The following GNAO1 variants were observed in gnomAD, a reference collection of about 807,000 sequenced individuals.
GNAO1 encodes the protein guanine nucleotide-binding protein G(o) subunit alpha.
For missense variants in GNAO1, 166 were observed against 478.7 expected (o/e 0.35, Z 6.10); for synonymous variants, 164 against 180.7 (o/e 0.91, Z 0.74).
At position 56,217,675 on chromosome 16, in the gene GNAO1, A is replaced by G. The variant is rs78592694; in HGVS notation, c.161+25059A>G. ...TAAGATTATTTAATCATCAGGCATT[A>G]TAACATGAGTTAGGTATTATGACTC... On this transcript the variant is annotated intron_variant, in intron 2 of 8. Coordinates refer to ENST00000262493, the MANE Select transcript of GNAO1 (RefSeq NM_020988.3). Among the ~76,000 whole-genome samples the G allele has an allele frequency of 9.9e-3, 1,504 of 152,320 alleles. 49 individuals are homozygous for G. Among genetic ancestry groups the G allele is most frequent in the South Asian group, 0.07 (336 of 4,820 alleles).
intron 2 of GNAO1, chr16:56,270,614 G>C (rs1175416141): frequency 6.6e-6 from 1 of 152,120 alleles, no homozygotes; most frequent in Non-Finnish European, 1.5e-5. Flanking sequence ...AGCAGAGATA[G>C]GTGAGATGTG....
chr16:56,300,043 G>GCGCGCGCGCA (rs2037329132), intron 3 of GNAO1, among the ~76,000 whole-genome samples: 11 of 92,138 alleles, frequency 1.2e-4, no homozygotes, highest in African/African-American at 4.7e-4. Flanking sequence ...GTGTGCGCGC[G>GCGCGCGCGCA]CGCGCGCGCA....
intron 6 of GNAO1, chr16:56,345,725 G>A: frequency 2.0e-6 from 2 of 985,582 alleles, no homozygotes; most frequent in Non-Finnish European, 2.4e-6. Context: ...GACAGCCAGG[G>A]CCAGCTAAGC....
At chr16:56,333,271 G>A (rs2037708189) in intron 4 of GNAO1, among the ~76,000 whole-genome samples, 1 of 148,988 alleles carries the variant, frequency 6.7e-6, no homozygotes, top group Non-Finnish European at 1.5e-5. Flanking sequence ...GGAGTACAGT[G>A]GCACGATCTC....
chr16:56,343,487 C>CAAA lies in GNAO1; in HGVS notation c.723+6641_723+6643dup, dbSNP rs5817055. On this transcript the variant is annotated intron_variant, in intron 6 of 8. Coordinates refer to ENST00000262493, the MANE Select transcript of GNAO1 (RefSeq NM_020988.3). ...TGAGCAACAGAGCAAGACCCTATCT[C>CAAA]AAAAAAAAAAAAAAAAGATAAATAC... Among the ~76,000 whole-genome samples the CAAA allele has an allele frequency of 0.2, 26,428 of 133,840 alleles. 2,864 individuals carry two copies. The highest frequency in any genetic ancestry group is 0.28 in the South Asian group (1,117 of 3,970). 87.8% of individuals were successfully genotyped at this position (133,840 alleles called of 152,430 possible).
chr16:56,205,608 T>C (rs1288875033), intron 2 of GNAO1, among the ~76,000 whole-genome samples: 1 of 152,194 alleles, frequency 6.6e-6, no homozygotes, highest in African/African-American at 2.4e-5. Context: ...ATCCTTTCCT[T>C]AGAGTTTCGA....
intron 6 of GNAO1, among the ~76,000 whole-genome samples, chr16:56,350,906 C>T (rs2037914289): frequency 6.6e-6 from 1 of 152,152 alleles, no homozygotes; most frequent in Admixed American, 6.5e-5. Context: ...CACACACAGG[C>T]ACACACACAG....
rs535491655 is a variant in GNAO1, at chr16:56,308,584, G to C, written c.304-20047G>C. Among the ~76,000 whole-genome samples the C allele has an allele frequency of 3.9e-5, 6 of 152,284 alleles. No individual in the cohort carries two copies. The East Asian group carries it at 9.7e-4, about 25-fold the overall frequency. On this transcript the variant is annotated intron_variant, in intron 3 of 8. Coordinates refer to ENST00000262493, the MANE Select transcript of GNAO1 (RefSeq NM_020988.3). ...TTGTTCCCTGCACAGAGGAAAATCA[G>C]GCAGGATCTGGCTCAGGGAGAAGGT...
At position 56,351,642 on chromosome 16, in the gene GNAO1, C is replaced by A; in HGVS notation, c.877+105C>A. On this transcript the variant is annotated intron_variant, in intron 7 of 8. Transcript: ENST00000262493. The surrounding 1 kb of genome is among the most constrained non-coding windows in gnomAD (Gnocchi z 6.1). ...AGCACTGCTGGGGCTAGCTGGCGAG[C>A]GGGACCCATTGCAGGAGACTGGTGG... The A allele has an allele frequency of 1.1e-6, 1 of 878,924 alleles. No individual in the cohort carries two copies. The highest frequency in any genetic ancestry group is 1.8e-6 in the Non-Finnish European group (1 of 561,002). The allele number at this position is 878,924 out of a possible 1,614,324, so 54.4% of individuals were successfully genotyped here.
chr16:56,278,713 G>A (rs1295199528), intron 3 of GNAO1, among the ~76,000 whole-genome samples: 2 of 152,182 alleles, frequency 1.3e-5, no homozygotes, highest in Non-Finnish European at 1.5e-5. Flanking sequence ...AAAATAAGGT[G>A]ATGTGAGAGC....
At chr16:56,347,384 A>G in intron 6 of GNAO1, 1 of 985,546 alleles carries the variant, frequency 1.0e-6, no homozygotes, top group South Asian at 4.7e-5. Context: ...CCAGCAGCCC[A>G]GGGAACAGGG....
chr16:56,269,505 A>T (rs533897123), intron 2 of GNAO1, among the ~76,000 whole-genome samples: 2 of 152,290 alleles, frequency 1.3e-5, no homozygotes, highest in South Asian at 4.1e-4. Context: ...CTCTACATGG[A>T]TTCATTCTTT....
At chr16:56,274,009 G>C (rs551095391) in intron 2 of GNAO1, among the ~76,000 whole-genome samples, 1 of 152,340 alleles carries the variant, frequency 6.6e-6, no homozygotes, top group South Asian at 2.1e-4. Flanking sequence ...TGAAGCATCT[G>C]AAGTGCTCTC....
intron 3 of GNAO1, among the ~76,000 whole-genome samples, chr16:56,313,057 A>C (rs1490896148): frequency 6.6e-6 from 1 of 152,188 alleles, no homozygotes; most frequent in African/African-American, 2.4e-5. Context: ...AGTTATTCTT[A>C]TGGGTGTTTT....
chr16:56,210,480 G>A lies in GNAO1; in HGVS notation c.161+17864G>A, dbSNP rs567655005. Among the ~76,000 whole-genome samples, 30 of 152,324 alleles carry A rather than the reference G, an allele frequency of 2.0e-4. No homozygotes were observed. In the South Asian group the frequency reaches 4.8e-3, roughly 24 times the overall value. Reference sequence around the variant, plus strand: ...GGTAAGAACAGGTTTAGTTTTGTAGGAAACTGCCAAATTGTCTTCCAAAAT... The same window carrying A: ...GGTAAGAACAGGTTTAGTTTTGTAGAAAACTGCCAAATTGTCTTCCAAAAT... On this transcript the variant is annotated intron_variant, in intron 2 of 8. Coordinates refer to ENST00000262493, the MANE Select transcript of GNAO1 (RefSeq NM_020988.3).
chr16:56,244,978 G>A (rs958338401), intron 2 of GNAO1, among the ~76,000 whole-genome samples: 5 of 152,112 alleles, frequency 3.3e-5, no homozygotes, highest in Admixed American at 1.3e-4. Flanking sequence ...GGCCCCTCGG[G>A]TCTATCCAGT....
At chr16:56,233,426 T>C (rs16956178) in intron 2 of GNAO1, among the ~76,000 whole-genome samples, 21,452 of 152,202 alleles carry the variant, frequency 0.14, 2,012 homozygotes, top group African/African-American at 0.26. Context: ...AGTCAGATTC[T>C]AGCAGAGAAG....
chr16:56,213,210 G>T, intron 2 of GNAO1: 1 of 398,156 alleles, frequency 2.5e-6, no homozygotes, highest in South Asian at 1.3e-4. Context: ...GAAATTATTT[G>T]GTTAAAATGC....
At chr16:56,241,696 A>T (rs2036695616) in intron 2 of GNAO1, among the ~76,000 whole-genome samples, 1 of 152,242 alleles carries the variant, frequency 6.6e-6, no homozygotes. Flanking sequence ...GCCAAAAATC[A>T]TGAGGGTAAT....
Sources: allele counts gnomAD v4.1 joint callset (sites outside exome capture counted in the v4.1 genomes callset), GRCh38; gene constraint gnomAD v4.1.1; non-coding constraint Gnocchi (gnomAD v3.1); transcripts MANE v1.5; gene names NCBI Gene and HGNC (gene_info 2026-07-23, HGNC 2026-07-21).